Variants in PPARGC1B observed in about 807,000 individuals in gnomAD.
The protein encoded by PPARGC1B is PPARG coactivator 1 beta.
Under a neutral mutation model 101.6 loss-of-function variants are expected in PPARGC1B, and 34 were observed. That is an observed-to-expected ratio of 0.33 (90% CI 0.25 to 0.45). PPARGC1B has a LOEUF of 0.45. PPARGC1B is among the 20% of genes least tolerant of loss of function. PPARGC1B has a pLI of 1.00. For missense variants in PPARGC1B, 1,234 were observed against 1,317.6 expected (o/e 0.94, Z 0.98); for synonymous variants, 548 against 539.3 (o/e 1.02, Z -0.22).
rs910512073 is a variant in PPARGC1B, at chr5:149,853,329, TC to T, written c.*5772del. On this transcript the variant is annotated 3_prime_UTR_variant, in exon 12 of 12. Coordinates refer to ENST00000309241, the MANE Select transcript of PPARGC1B (RefSeq NM_133263.4). The surrounding 1 kb of genome is among the most constrained non-coding windows in gnomAD (Gnocchi z 4.2). ...TGGCCTGAACGAACTGCCTTTGTGTTCAGAGATCAGTGCAACACTAGGGTCA... is the reference window on the plus strand; with the variant it reads ...TGGCCTGAACGAACTGCCTTTGTGTTAGAGATCAGTGCAACACTAGGGTCA... 2.0e-5 allele frequency: 3 copies of T among 152,228 alleles called. No homozygotes were observed. Among genetic ancestry groups the T allele is most frequent in the Non-Finnish European group, 4.4e-5 (3 of 68,046 alleles). The allele number at this position is 152,228 out of a possible 1,614,324, so 9.4% of individuals were successfully genotyped here.
chr5:149,731,703 T>TG (rs1282442891), intron 1 of PPARGC1B, among the ~76,000 whole-genome samples: 2 of 136,362 alleles, frequency 1.5e-5, no homozygotes, highest in South Asian at 2.7e-4. Flanking sequence ...GCAGCTGTCA[T>TG]GGGACCGGGT....
At chr5:149,743,289 G>A (rs1754977005) in intron 1 of PPARGC1B, among the ~76,000 whole-genome samples, 1 of 151,408 alleles carries the variant, frequency 6.6e-6, no homozygotes, top group African/African-American at 2.4e-5. Flanking sequence ...CTGAGTAGCT[G>A]GGATTACAGA....
rs913072307 is a variant in PPARGC1B at position 149,751,579 on chromosome 5, G to A, written c.78+21159G>A. Reference sequence around the variant, plus strand: ...AAATTAACCAGGTGTGGTGGCACACGCCTGTAATCCCAGCTACTTGGGAGG... The same window carrying A: ...AAATTAACCAGGTGTGGTGGCACACACCTGTAATCCCAGCTACTTGGGAGG... On this transcript the variant is annotated intron_variant, in intron 1 of 11. Transcript: ENST00000309241. 4.6e-5 allele frequency among the ~76,000 whole-genome samples: 7 copies of A among 151,964 alleles called. No individual in the cohort carries two copies. The South Asian group carries it at 1.2e-3, about 27-fold the overall frequency.
intron 2 of PPARGC1B, among the ~76,000 whole-genome samples, chr5:149,822,327 C>T (rs1305076812): frequency 5.3e-5 from 8 of 152,168 alleles, no homozygotes; most frequent in Admixed American, 3.9e-4. Flanking sequence ...AAGCTTGGTG[C>T]GGCCCCAGTC....
At chr5:149,774,197 T>C (rs1756261419) in intron 1 of PPARGC1B, among the ~76,000 whole-genome samples, 1 of 152,144 alleles carries the variant, frequency 6.6e-6, no homozygotes, top group Admixed American at 6.5e-5. Context: ...GCAGCAGCCA[T>C]GAGGCAGAGA....
intron 1 of PPARGC1B, among the ~76,000 whole-genome samples, chr5:149,801,806 G>C (rs1757438912): frequency 6.6e-6 from 1 of 152,096 alleles, no homozygotes; most frequent in Admixed American, 6.5e-5. Flanking sequence ...TCAGTGACTG[G>C]GTGTGAGGAA....
At chr5:149,785,593 G>A (rs1462457312) in intron 1 of PPARGC1B, among the ~76,000 whole-genome samples, 1 of 152,192 alleles carries the variant, frequency 6.6e-6, no homozygotes, top group Admixed American at 6.5e-5. Flanking sequence ...TAGAGAGCCT[G>A]CTGTGCGCTT....
Position 149,730,565 on chromosome 5 carries a change from C to CT in PPARGC1B, c.78+146dup. Reference sequence around the variant, plus strand: ...CTGCAGAGCCCCCCTTCCAGGCGCCCTGCGATGCGCTCCGTTACCGGGGCA... The same window carrying CT: ...CTGCAGAGCCCCCCTTCCAGGCGCCCTTGCGATGCGCTCCGTTACCGGGGCA... On this transcript the variant is annotated intron_variant, in intron 1 of 11. Coordinates refer to ENST00000309241, the MANE Select transcript of PPARGC1B (RefSeq NM_133263.4). This position sits in a 1 kb window ranked among gnomAD's most constrained non-coding sequence, Gnocchi z 4.0. 1.7e-6 allele frequency: 1 copy of CT among 588,802 alleles called. No individual in the cohort carries two copies. The highest frequency in any genetic ancestry group is 2.8e-6 in the Non-Finnish European group (1 of 353,216). The allele number at this position is 588,802 out of a possible 1,614,324, so 36.5% of individuals were successfully genotyped here.
chr5:149,791,306 AT>A (rs1427823448), intron 1 of PPARGC1B, among the ~76,000 whole-genome samples: 1 of 143,622 alleles, frequency 7.0e-6, no homozygotes, highest in Non-Finnish European at 1.5e-5. Context: ...AAAAAAAAAA[AT>A]TTCTATTAAA....
In PPARGC1B at chr5:149,835,284, C is replaced by T. The variant is rs766398425; in HGVS notation, c.1743-17C>T. ...CTGACTTGCTTCTTTCCTTTCTGTC[C>T]TCCCTGCCTCCACCAGCGACCCAAC... On this transcript the variant is annotated splice_polypyrimidine_tract_variant and intron_variant, in intron 6 of 11. Coordinates refer to ENST00000309241, the MANE Select transcript of PPARGC1B (RefSeq NM_133263.4). The T allele has an allele frequency of 1.9e-5, 31 of 1,613,592 alleles. No homozygotes were observed. In the East Asian group the frequency reaches 5.8e-4, roughly 30 times the overall value.
At chr5:149,756,935 T>A (rs1043080129) in intron 1 of PPARGC1B, among the ~76,000 whole-genome samples, 1 of 152,136 alleles carries the variant, frequency 6.6e-6, no homozygotes, top group African/African-American at 2.4e-5. Flanking sequence ...CCAAGGGAAG[T>A]TTCCTTCTCA....
In PPARGC1B at chr5:149,753,300, G is replaced by A. The variant is rs763155276; in HGVS notation, c.78+22880G>A. On this transcript the variant is annotated intron_variant, in intron 1 of 11. Transcript: ENST00000309241. ...CGGCTCACAGCAACCTCTGCCTCCC[G>A]GGTTCAAGCGATTCTCCTGCCTCAG... 4.6e-5 allele frequency among the ~76,000 whole-genome samples: 7 copies of A among 151,480 alleles called. No homozygotes were observed. The South Asian group carries it at 6.3e-4, about 14-fold the overall frequency.
At chr5:149,779,510 C>G (rs1305722820) in intron 1 of PPARGC1B, among the ~76,000 whole-genome samples, 2 of 152,062 alleles carry the variant, frequency 1.3e-5, no homozygotes, top group East Asian at 1.9e-4. Flanking sequence ...AAGGATACAA[C>G]AGTGAAAAGA....
rs746959302 is a variant in PPARGC1B, at chr5:149,832,323, A to G, written c.583-333A>G. Among the ~76,000 whole-genome samples the G allele has an allele frequency of 1.3e-5, 2 of 152,158 alleles. No homozygotes were observed. The highest frequency in any genetic ancestry group is 2.9e-5 in the Non-Finnish European group (2 of 68,020). On this transcript the variant is annotated intron_variant, in intron 4 of 11. Transcript: ENST00000309241. The surrounding 1 kb of genome is among the most constrained non-coding windows in gnomAD (Gnocchi z 4.9). The stretch of plus-strand genomic sequence containing the variant: ...TTCCTACGCCCAGCTCCAGGCTACC[A>G]TGAACCTACTGCCCGGCTCTTGGCT...
In PPARGC1B at chr5:149,777,784, A is replaced by AACACACACACACACACAC. The variant is rs4039101; in HGVS notation, c.79-42623_79-42606dup. On this transcript the variant is annotated intron_variant, in intron 1 of 11. Transcript: ENST00000309241. Reference sequence around the variant, plus strand: ...GTAGAGATTTAAAAACTGTCTTTGTAACACACACACACACACACACACACA... The same window carrying AACACACACACACACACAC: ...GTAGAGATTTAAAAACTGTCTTTGTAACACACACACACACACACACACACACACACACACACACACACA... Among the ~76,000 whole-genome samples the AACACACACACACACACAC allele has an allele frequency of 2.3e-4, 21 of 91,064 alleles. 1 individual carries two copies. The highest frequency in any genetic ancestry group is 7.3e-4 in the East Asian group (2 of 2,740). The allele number at this position is 91,064 out of a possible 152,430, so 59.7% of individuals were successfully genotyped here. A position where few individuals can be genotyped will look rare whatever the true frequency, so the allele number is the denominator to read the frequency against.
At chr5:149,821,719 A>G (rs1013198747) in intron 2 of PPARGC1B, among the ~76,000 whole-genome samples, 2 of 152,190 alleles carry the variant, frequency 1.3e-5, no homozygotes, top group African/African-American at 2.4e-5. Context: ...CAAGCCCCCT[A>G]TGTGTCAGGC....
At chr5:149,821,936 G>T (rs544940650) in intron 2 of PPARGC1B, among the ~76,000 whole-genome samples, 1 of 152,090 alleles carries the variant, frequency 6.6e-6, no homozygotes, top group African/African-American at 2.4e-5. Flanking sequence ...TGAGTAACTC[G>T]CCCAAGGTCA....
chr5:149,843,917 C>T (rs1176414583), intron 10 of PPARGC1B, among the ~76,000 whole-genome samples: 1 of 152,210 alleles, frequency 6.6e-6, no homozygotes, highest in Non-Finnish European at 1.5e-5. Flanking sequence ...TGTATGATTT[C>T]ACTTATATGC....
intron 3 of PPARGC1B, among the ~76,000 whole-genome samples, chr5:149,829,940 C>T (rs1256778151): frequency 1.4e-5 from 2 of 142,716 alleles, no homozygotes; most frequent in Non-Finnish European, 3.0e-5. Flanking sequence ...GAGGCTGAGG[C>T]AGGAGAATCG....
Sources: gnomAD v4.1 joint callset for allele counts (sites outside exome capture counted in the v4.1 genomes callset) on GRCh38, gnomAD v4.1.1 for gene constraint, Gnocchi (gnomAD v3.1) non-coding constraint, MANE v1.5 for transcripts, NCBI Gene and HGNC (gene_info 2026-07-23, HGNC 2026-07-21) for gene names.